The following CFAP299 variants were observed in gnomAD, a reference collection of about 807,000 sequenced individuals.
CFAP299 encodes the protein cilia and flagella associated protein 299.
A neutral mutation model predicts 27.0 loss-of-function variants in CFAP299; 21 were observed. That is an observed-to-expected ratio of 0.78 (90% confidence interval 0.55 to 1.12). CFAP299 has a LOEUF of 1.12. Among genes scored for constraint, CFAP299 ranks in the 50% most tolerant of loss-of-function variants. CFAP299 has a pLI of 0.00. For missense variants in CFAP299, 310 were observed against 276.6 expected, an observed-to-expected ratio of 1.12 and a Z score of -0.86; for synonymous variants, 104 against 98.1, an observed-to-expected ratio of 1.06 and a Z score of -0.36.
intron 3 of CFAP299, among the ~76,000 whole-genome samples, chr4:80,803,444 AG>A (rs1210351944): frequency 6.6e-6 from 1 of 152,088 alleles, no homozygotes; most frequent in Non-Finnish European, 1.5e-5. Context: ...TGTGTACAAA[AG>A]CTTCACAGCC....
chr4:80,333,658 T>G (rs550296738), upstream of CFAP299, among the ~76,000 whole-genome samples: 124 of 152,350 alleles, frequency 8.1e-4, no homozygotes, highest in Non-Finnish European at 1.6e-3. Context: ...TTGTTATTCT[T>G]ACATAACATA....
At chr4:80,795,618 C>T (rs936146735) in intron 3 of CFAP299, among the ~76,000 whole-genome samples, 1 of 152,086 alleles carries the variant, frequency 6.6e-6, no homozygotes, top group Non-Finnish European at 1.5e-5. Flanking sequence ...GCCACTTACT[C>T]GTGTAAGTTG....
intron 3 of CFAP299, among the ~76,000 whole-genome samples, chr4:80,753,391 G>A (rs1230206314): frequency 1.3e-5 from 2 of 151,936 alleles, no homozygotes; most frequent in African/African-American, 4.8e-5. Context: ...TGTATGTAAT[G>A]TGCCTTTTTT....
intron 3 of CFAP299, among the ~76,000 whole-genome samples, chr4:80,627,574 C>T (rs1474317687): frequency 6.6e-6 from 1 of 151,644 alleles, no homozygotes; most frequent in African/African-American, 2.4e-5. Context: ...AAGGCATGAC[C>T]CTATATACAG....
intron 2 of CFAP299, among the ~76,000 whole-genome samples, chr4:80,474,653 A>G (rs1416639826): frequency 1.3e-5 from 2 of 152,240 alleles, no homozygotes; most frequent in Non-Finnish European, 2.9e-5. Context: ...AATAAAATTG[A>G]GTTTTATAAA....
intron 2 of CFAP299, among the ~76,000 whole-genome samples, chr4:80,565,755 A>C (rs959372824): frequency 6.6e-6 from 1 of 152,126 alleles, no homozygotes; most frequent in Non-Finnish European, 1.5e-5. Flanking sequence ...AAGATCTGCA[A>C]AAGCCTTAAA....
intron 2 of CFAP299, among the ~76,000 whole-genome samples, chr4:80,394,642 C>A (rs759421122): frequency 6.6e-6 from 1 of 152,114 alleles, no homozygotes; most frequent in African/African-American, 2.4e-5. Context: ...CTTCCACATG[C>A]AGAGAATCAG....
At chr4:80,860,458 C>T (rs931907302) in intron 3 of CFAP299, among the ~76,000 whole-genome samples, 9 of 152,180 alleles carry the variant, frequency 5.9e-5, no homozygotes, top group Admixed American at 1.3e-4. Context: ...TGAGGAACTG[C>T]GATCCTTTGG....
intron 4 of CFAP299, among the ~76,000 whole-genome samples, chr4:80,896,795 C>T (rs1734630580): frequency 6.6e-6 from 1 of 152,034 alleles, no homozygotes; most frequent in Non-Finnish European, 1.5e-5. Flanking sequence ...AACACAATGG[C>T]TCAAAATATT....
At chr4:80,854,810 GAAAAAAAAAAA>G (rs58533748) in intron 3 of CFAP299, among the ~76,000 whole-genome samples, 40 of 43,378 alleles carry the variant, frequency 9.2e-4, no homozygotes, top group East Asian at 6.7e-3. Context: ...CTGTTGCTAT[GAAAAAAAAAAA>G]AAAAAAAAAA....
At chr4:80,802,909 C>T (rs1728683697) in intron 3 of CFAP299, among the ~76,000 whole-genome samples, 1 of 151,866 alleles carries the variant, frequency 6.6e-6, no homozygotes, top group Non-Finnish European at 1.5e-5. Flanking sequence ...AAATTAGAAC[C>T]TGGAAACAGC....
intron 4 of CFAP299, among the ~76,000 whole-genome samples, chr4:80,894,289 G>A (rs1369489798): frequency 3.3e-5 from 5 of 151,836 alleles, no homozygotes; most frequent in Admixed American, 6.6e-5. Context: ...CAGTTTCTTT[G>A]TTCCCCCCAG....
intron 3 of CFAP299, among the ~76,000 whole-genome samples, chr4:80,808,687 A>G (rs568382596): frequency 6.6e-6 from 1 of 152,242 alleles, no homozygotes; most frequent in Non-Finnish European, 1.5e-5. Flanking sequence ...CATGTGCTGC[A>G]CATGTTAGGC....
chr4:80,387,364 C>T, intron 2 of CFAP299: 1 of 1,352,168 alleles, frequency 7.4e-7, no homozygotes, highest in Non-Finnish European at 1.1e-6. Flanking sequence ...CGTTCTTATG[C>T]TGGGTCATGT....
intron 2 of CFAP299, among the ~76,000 whole-genome samples, chr4:80,433,004 T>A (rs1309811253): frequency 6.6e-6 from 1 of 152,182 alleles, no homozygotes; most frequent in African/African-American, 2.4e-5. Context: ...CTGATTGACT[T>A]TGTTCATTCT....
chr4:80,884,229 C>T (rs181390952), intron 4 of CFAP299, among the ~76,000 whole-genome samples: 1 of 152,260 alleles, frequency 6.6e-6, no homozygotes, highest in Admixed American at 6.5e-5. Flanking sequence ...ACATTCTTCT[C>T]AAGTGCACAA....
chr4:80,795,707 C>T (rs1727816551), intron 3 of CFAP299, among the ~76,000 whole-genome samples: 1 of 152,140 alleles, frequency 6.6e-6, no homozygotes, highest in African/African-American at 2.4e-5. Context: ...CTGTGCATGA[C>T]CCACTTTATG....
rs144278421 is a variant in CFAP299 at position 80,353,836 on chromosome 4, C to T, written c.112-8918C>T. Among the ~76,000 whole-genome samples the T allele has an allele frequency of 4.7e-4, 71 of 152,262 alleles. No individual in the cohort carries two copies. In the East Asian group the frequency reaches 0.011, roughly 23 times the overall value. On this transcript the variant is annotated intron_variant, in intron 1 of 5. Transcript: ENST00000358105. ...TATAAAGAAATGTAAAATTTCAAAT[C>T]AGTGGAGAAAAGAAGCAATACTTAA...
intron 4 of CFAP299, among the ~76,000 whole-genome samples, chr4:80,925,952 C>G (rs1270065915): frequency 6.6e-6 from 1 of 152,012 alleles, no homozygotes; most frequent in East Asian, 1.9e-4. Flanking sequence ...TATTACAGAA[C>G]AGAACTTTAG....
Sources: gnomAD v4.1 joint callset for allele counts (sites outside exome capture counted in the v4.1 genomes callset) on GRCh38, gnomAD v4.1.1 for gene constraint, MANE v1.5 for transcripts, NCBI Gene and HGNC (gene_info 2026-07-23, HGNC 2026-07-21) for gene names.